GSAP: variants seen among roughly 807,000 people sequenced by gnomAD.
GSAP encodes gamma-secretase activating protein, also known as gamma-secretase-activating protein.
A neutral mutation model predicts 131.7 loss-of-function variants in GSAP; 118 were observed. The observed-to-expected ratio is 0.90, with a 90% CI of 0.77 to 1.04. The LOEUF is 1.04. Ranked by LOEUF, GSAP falls within the 50% of genes least tolerant of loss-of-function variation. The pLI is 0.00. For synonymous variants in GSAP, 381 were observed against 363.4 expected (o/e 1.05, Z -0.55); for missense variants, 1,019 against 1,013.2 (o/e 1.01, Z -0.08).
chr7:77,320,963 A>C (rs1787559179), intron 25 of GSAP, 144 bp from the exon 26 acceptor site: 1 of 636,222 alleles, frequency 1.6e-6, no homozygotes, highest in South Asian at 1.9e-5. Context: ...CATAAATATG[A>C]ATGTGACCAT....
At chr7:77,338,157 C>T (rs560605823) in intron 19 of GSAP, among the ~76,000 whole-genome samples, 1 of 151,930 alleles carries the variant, frequency 6.6e-6, no homozygotes, top group African/African-American at 2.4e-5. Context: ...AGAGGGAGAC[C>T]CTATCTCAAT....
intron 13 of GSAP, among the ~76,000 whole-genome samples, chr7:77,361,927 A>G (rs910510755): frequency 1.3e-5 from 2 of 152,202 alleles, no homozygotes; most frequent in African/African-American, 4.8e-5. Flanking sequence ...GATGCTTTTA[A>G]CTGAAACCCT....
intron 19 of GSAP, among the ~76,000 whole-genome samples, chr7:77,339,756 G>C (rs1790615850): frequency 6.6e-6 from 1 of 151,306 alleles, no homozygotes; most frequent in African/African-American, 2.4e-5. Flanking sequence ...GTGCAAAAAA[G>C]AAGCGACTTT....
chr7:77,323,063 A>G (rs1787883335), intron 24 of GSAP, among the ~76,000 whole-genome samples: 1 of 152,170 alleles, frequency 6.6e-6, no homozygotes, highest in Admixed American at 6.5e-5. Flanking sequence ...ATCAGGCCTC[A>G]ACTCTCTATG....
chr7:77,364,648 T>C (rs934658032), intron 12 of GSAP, among the ~76,000 whole-genome samples: 1 of 152,088 alleles, frequency 6.6e-6, no homozygotes, highest in Non-Finnish European at 1.5e-5. Flanking sequence ...ATTGTGCACA[T>C]GTACCCTAAA....
chr7:77,409,349 C>T (rs1802865602), intron 1 of GSAP, among the ~76,000 whole-genome samples: 2 of 152,052 alleles, frequency 1.3e-5, no homozygotes, highest in Non-Finnish European at 2.9e-5. Flanking sequence ...GCTAAGTAGG[C>T]CTTCACAATT....
At chr7:77,355,787 GTTTTT>G (rs11353263) in intron 14 of GSAP, 140 bp from the exon 15 acceptor site, 70 of 294,438 alleles carry the variant, frequency 2.4e-4, no homozygotes, top group East Asian at 8.3e-4. Context: ...ATGACAGCCC[GTTTTT>G]TTTTTTTTTT....
intron 5 of GSAP, among the ~76,000 whole-genome samples, chr7:77,395,331 G>A (rs1239480856): frequency 6.6e-6 from 1 of 152,136 alleles, no homozygotes. Context: ...ACAGCAGCTA[G>A]GCCTTTCCTC....
At chr7:77,372,526 G>A (rs554914040) in intron 12 of GSAP, among the ~76,000 whole-genome samples, 1 of 152,272 alleles carries the variant, frequency 6.6e-6, no homozygotes, top group African/African-American at 2.4e-5. Flanking sequence ...AAGGAGGTGT[G>A]TACTGAATTA....
intron 24 of GSAP, among the ~76,000 whole-genome samples, chr7:77,323,055 C>T (rs1208261101): frequency 6.6e-6 from 1 of 152,150 alleles, no homozygotes; most frequent in African/African-American, 2.4e-5. Flanking sequence ...TAAGCAAGAT[C>T]AGGCCTCAAC....
chr7:77,414,268 C>T (rs1435270285), intron 1 of GSAP, among the ~76,000 whole-genome samples: 1 of 152,234 alleles, frequency 6.6e-6, no homozygotes, highest in Non-Finnish European at 1.5e-5. Flanking sequence ...AAAGCCAGAA[C>T]TTTGAAAGGA....
At chr7:77,355,689 G>T in intron 14 of GSAP, 42 bp from the exon 15 acceptor site, 1 of 1,075,048 alleles carries the variant, frequency 9.3e-7, no homozygotes, top group East Asian at 2.4e-5. Context: ...TGTGGTAAAA[G>T]CTGCACAGGT....
rs967341864 is a variant in GSAP at position 77,385,289 on chromosome 7, C to T, written c.456+2071G>A. ...GCTCAGGCAATCTGCCCTCCTTGGC[C>T]TCCTAAAGTGCTAGGATTATAGGCA... On this transcript the variant is annotated intron_variant, in intron 6 of 30. Coordinates refer to ENST00000257626, the MANE Select transcript of GSAP (RefSeq NM_017439.4). Among the ~76,000 whole-genome samples, 11 of 152,166 alleles carry T rather than the reference C, an allele frequency of 7.2e-5. 1 individual carries two copies. Among genetic ancestry groups the T allele is most frequent in the Admixed American group, 5.9e-4 (9 of 15,286 alleles).
At chr7:77,348,597 T>C (rs556666739) in intron 19 of GSAP, among the ~76,000 whole-genome samples, 6 of 152,306 alleles carry the variant, frequency 3.9e-5, no homozygotes, top group Non-Finnish European at 7.3e-5. Context: ...GATTTCCCAG[T>C]CTACCTCAAG....
chr7:77,386,737 C>T (rs1453037739), intron 6 of GSAP, among the ~76,000 whole-genome samples: 1 of 152,198 alleles, frequency 6.6e-6, no homozygotes. Flanking sequence ...GCCATGAAAA[C>T]AACTGTCATT....
intron 19 of GSAP, among the ~76,000 whole-genome samples, chr7:77,344,930 G>GCAA (rs1160182446): frequency 2.0e-5 from 3 of 151,888 alleles, no homozygotes; most frequent in African/African-American, 2.4e-5. Context: ...CTTACTCACT[G>GCAA]CAACAACAAC....
intron 10 of GSAP, among the ~76,000 whole-genome samples, chr7:77,376,346 G>C (rs1040350183): frequency 6.6e-6 from 1 of 152,196 alleles, no homozygotes; most frequent in African/African-American, 2.4e-5. Flanking sequence ...TTCTTCTAAT[G>C]ACCTACATTA....
intron 10 of GSAP, among the ~76,000 whole-genome samples, chr7:77,376,542 G>A (rs1225343787): frequency 2.0e-5 from 3 of 152,108 alleles, no homozygotes; most frequent in African/African-American, 2.4e-5. Flanking sequence ...TTGGGAGGCC[G>A]AGGCAGGTGG....
At chr7:77,317,876 A>G (rs1024809292) in intron 26 of GSAP, among the ~76,000 whole-genome samples, 1 of 152,228 alleles carries the variant, frequency 6.6e-6, no homozygotes, top group Non-Finnish European at 1.5e-5. Flanking sequence ...GGTGTACCTC[A>G]TAACTCATAT....
Sources: allele counts gnomAD v4.1 joint callset (sites outside exome capture counted in the v4.1 genomes callset), GRCh38; gene constraint gnomAD v4.1.1; transcripts MANE v1.5; gene names NCBI Gene and HGNC (gene_info 2026-07-23, HGNC 2026-07-21).